Variants in MACROD2 observed in about 807,000 individuals in gnomAD.
The protein encoded by MACROD2 is mono-ADP ribosylhydrolase 2.
A neutral mutation model predicts 70.4 loss-of-function variants in MACROD2; 36 were observed. The observed-to-expected ratio is 0.51, with a 90% confidence interval of 0.39 to 0.68. MACROD2 has a LOEUF of 0.68. Ranked by LOEUF, MACROD2 falls within the 30% of genes least tolerant of loss-of-function variation. MACROD2 has a pLI of 0.00. For missense variants in MACROD2, 496 were observed against 538.4 expected (o/e 0.92, Z 0.78); for synonymous variants, 172 against 178.8 (o/e 0.96, Z 0.30).
chr20:15,065,448 G>A (rs1051250103), intron 5 of MACROD2, among the ~76,000 whole-genome samples: 2 of 152,244 alleles, frequency 1.3e-5, no homozygotes, highest in Admixed American at 1.3e-4. Context: ...AAGGTCAGGA[G>A]ATCGAGACCA....
chr20:14,838,875 C>T (rs921893891), intron 5 of MACROD2, among the ~76,000 whole-genome samples: 1 of 152,130 alleles, frequency 6.6e-6, no homozygotes, highest in Non-Finnish European at 1.5e-5. Context: ...CTCCCCAGAA[C>T]TTCAACTGTC....
intron 4 of MACROD2, among the ~76,000 whole-genome samples, chr20:14,591,052 A>G (rs1035801026): frequency 3.3e-5 from 5 of 152,188 alleles, no homozygotes; most frequent in African/African-American, 7.2e-5. Flanking sequence ...AGCAGTTACT[A>G]AATATACAAA....
chr20:14,346,754 T>C (rs2083068263), intron 3 of MACROD2, among the ~76,000 whole-genome samples: 1 of 152,164 alleles, frequency 6.6e-6, no homozygotes, highest in African/African-American at 2.4e-5. Context: ...AAGGAGAAGG[T>C]AGAACAGGTA....
chr20:15,683,940 C>A (rs2050194005), intron 8 of MACROD2, among the ~76,000 whole-genome samples: 1 of 152,068 alleles, frequency 6.6e-6, no homozygotes, highest in Non-Finnish European at 1.5e-5. Context: ...AATTTTGTTT[C>A]AAAATGAATG....
At chr20:14,638,904 C>T (rs1430165751) in intron 4 of MACROD2, among the ~76,000 whole-genome samples, 3 of 149,386 alleles carry the variant, frequency 2.0e-5, no homozygotes, top group Non-Finnish European at 4.4e-5. Flanking sequence ...GAGCCAAGAT[C>T]GTGCCACAGC....
At chr20:14,624,472 T>G (rs553108274) in intron 4 of MACROD2, among the ~76,000 whole-genome samples, 21 of 152,310 alleles carry the variant, frequency 1.4e-4, no homozygotes, top group Non-Finnish European at 2.5e-4. Context: ...TAATCTGGCA[T>G]CTCTTGTGCA....
intron 3 of MACROD2, among the ~76,000 whole-genome samples, chr20:14,187,692 T>A (rs2081355954): frequency 6.6e-6 from 1 of 152,192 alleles, no homozygotes; most frequent in African/African-American, 2.4e-5. Flanking sequence ...GATGAAATCG[T>A]TAATAAGTGG....
At chr20:15,915,056 G>A (rs1372026872) in intron 10 of MACROD2, among the ~76,000 whole-genome samples, 8 of 152,154 alleles carry the variant, frequency 5.3e-5, no homozygotes, top group Admixed American at 2.0e-4. Flanking sequence ...GTGTGCCACC[G>A]TCCTAGCATG....
intron 8 of MACROD2, among the ~76,000 whole-genome samples, chr20:15,573,963 A>G (rs1347515774): frequency 6.6e-6 from 1 of 152,208 alleles, no homozygotes; most frequent in Non-Finnish European, 1.5e-5. Flanking sequence ...CAAAAGGTTC[A>G]GCTCAGTGTG....
intron 8 of MACROD2, among the ~76,000 whole-genome samples, chr20:15,766,811 C>T (rs2051534842): frequency 6.6e-6 from 1 of 152,206 alleles, no homozygotes; most frequent in African/African-American, 2.4e-5. Flanking sequence ...TAAAAACAGA[C>T]ATCTATTATA....
intron 8 of MACROD2, among the ~76,000 whole-genome samples, chr20:15,829,249 T>A (rs987782132): frequency 2.0e-5 from 3 of 152,144 alleles, no homozygotes; most frequent in African/African-American, 7.2e-5. Context: ...CTTCCCATCT[T>A]ATACTCAGAT....
chr20:15,461,004 A>ATT (rs1441910465), intron 7 of MACROD2, among the ~76,000 whole-genome samples: 616 of 47,748 alleles, frequency 0.013, 10 homozygotes, highest in Middle Eastern at 0.031. Flanking sequence ...ATATATATAT[A>ATT]TATTTTTTTT....
chr20:14,128,127 A>G, intron 3 of MACROD2: 2 of 525,806 alleles, frequency 3.8e-6, no homozygotes, highest in Non-Finnish European at 7.5e-6. Context: ...GAAGGTTGAA[A>G]TCTTGGCCCT....
intron 3 of MACROD2, among the ~76,000 whole-genome samples, chr20:14,330,065 A>G (rs2082805654): frequency 6.6e-6 from 1 of 152,070 alleles, no homozygotes; most frequent in Non-Finnish European, 1.5e-5. Context: ...TATTTGAAAT[A>G]GAAGGGACAC....
intron 3 of MACROD2, among the ~76,000 whole-genome samples, chr20:14,120,021 C>A (rs953894299): frequency 1.3e-5 from 2 of 151,838 alleles, no homozygotes; most frequent in Non-Finnish European, 2.9e-5. Flanking sequence ...CCAGCCTGGG[C>A]AACATGGTGA....
chr20:15,648,494 C>G (rs2049588069), intron 8 of MACROD2, among the ~76,000 whole-genome samples: 1 of 152,172 alleles, frequency 6.6e-6, no homozygotes, highest in Non-Finnish European at 1.5e-5. Flanking sequence ...CCATGTTATA[C>G]AATTCCTCAA....
chr20:15,868,158 T>C (rs113353787), intron 9 of MACROD2, among the ~76,000 whole-genome samples: 19 of 152,206 alleles, frequency 1.2e-4, no homozygotes, highest in African/African-American at 4.6e-4. Flanking sequence ...TGCCTTTGGA[T>C]TGGGGTTATT....
intron 5 of MACROD2, among the ~76,000 whole-genome samples, chr20:14,827,202 T>C (rs752223003): frequency 2.0e-5 from 3 of 152,096 alleles, no homozygotes. Flanking sequence ...TCCAACTACA[T>C]TAAAAAATTA....
intron 6 of MACROD2, among the ~76,000 whole-genome samples, chr20:15,237,568 G>A (rs187300302): frequency 1.7e-3 from 264 of 152,166 alleles, no homozygotes; most frequent in South Asian, 0.017. Context: ...AACAGACCCT[G>A]AGCCAAGGTG....
Sources: allele counts gnomAD v4.1 joint callset (sites outside exome capture counted in the v4.1 genomes callset), GRCh38; gene constraint gnomAD v4.1.1; transcripts MANE v1.5; gene names NCBI Gene and HGNC (gene_info 2026-07-23, HGNC 2026-07-21).